The following KRIT1 variants were observed in gnomAD, a reference collection of about 807,000 sequenced individuals.
The protein encoded by KRIT1 is krev interaction trapped protein 1.
In KRIT1, 45 loss-of-function variants were observed where a neutral mutation model predicts 95.8. The ratio of observed to expected loss-of-function variants is 0.47; its 90% CI spans 0.37 to 0.60. The LOEUF is 0.60. KRIT1 is among the 20% of genes least tolerant of loss of function. KRIT1 has a pLI of 0.00. For missense variants in KRIT1, 788 were observed against 877.5 expected (o/e 0.90, Z 1.29); for synonymous variants, 282 against 278.8 (o/e 1.01, Z -0.11).
chr7:92,213,907 T>C lies in KRIT1; in HGVS notation c.1803A>G (p.Ile601Met), dbSNP rs752077150. ...KSKAPHWTNR[I>M]LHEYKNLSTS... ...AACAGCTTACCTTGTATTCATGAAGTATGCGATTTGTCCAGTGAGGTGCCT... is the reference window on the plus strand; with the variant it reads ...AACAGCTTACCTTGTATTCATGAAGCATGCGATTTGTCCAGTGAGGTGCCT... Residue 601 changes from isoleucine to methionine, a missense_variant, in exon 16 of 19, where the codon ATA becomes ATG. Ile to Met is a conservative substitution (Grantham distance 10, BLOSUM62 1). This residue lies in a region of KRIT1 where 493 missense variants were observed against 582.3 expected (regional missense o/e 0.85). Coordinates refer to ENST00000394505, the MANE Select transcript of KRIT1 (RefSeq NM_194454.3). The C allele has an allele frequency of 1.9e-6, 3 of 1,598,054 alleles. No individual in the cohort carries two copies. The highest frequency in any genetic ancestry group is 2.2e-5 in the South Asian group (2 of 90,774).
In KRIT1 at chr7:92,242,014, T is replaced by C. The variant is rs1183801499; in HGVS notation, c.102+20A>G. On this transcript the variant is annotated intron_variant, in intron 4 of 18. Coordinates refer to ENST00000394505, the MANE Select transcript of KRIT1 (RefSeq NM_194454.3). ...AATGACATTCAATGGTAGAAATAAATTATTATTAAATGTTCTTACTTCATA... is the reference window on the plus strand; with the variant it reads ...AATGACATTCAATGGTAGAAATAAACTATTATTAAATGTTCTTACTTCATA... The C allele has an allele frequency of 8.6e-7, 1 of 1,160,700 alleles. No individual in the cohort carries two copies. Among genetic ancestry groups the C allele is most frequent in the South Asian group, 1.2e-5 (1 of 81,062 alleles). The allele number at this position is 1,160,700 out of a possible 1,614,324, so 71.9% of individuals were successfully genotyped here.
chr7:92,228,993 C>T (rs2131563620), intron 10 of KRIT1, among the ~76,000 whole-genome samples: 1 of 152,210 alleles, frequency 6.6e-6, no homozygotes, highest in East Asian at 1.9e-4. Flanking sequence ...TTATCATGGA[C>T]CTTTAGATTG....
chr7:92,207,458 C>A (rs1201685003), intron 17 of KRIT1, among the ~76,000 whole-genome samples: 1 of 151,994 alleles, frequency 6.6e-6, no homozygotes, highest in Non-Finnish European at 1.5e-5. Context: ...GAATGACAGA[C>A]TCCAATACAA....
At chr7:92,241,973 G>A (rs1395110802) in intron 4 of KRIT1, 61 bp downstream of exon 4, 8 of 913,244 alleles carry the variant, frequency 8.8e-6, no homozygotes, top group South Asian at 6.7e-5. Flanking sequence ...GGCTTTATAT[G>A]TGAATGATAA....
chr7:92,216,360 T>TA lies in KRIT1; in HGVS notation c.1564-1584dup, dbSNP rs56911336. Among the ~76,000 whole-genome samples, 199 of 149,090 alleles carry TA rather than the reference T, an allele frequency of 1.3e-3. 2 individuals are homozygous for TA. The East Asian group carries it at 0.026, about 20-fold the overall frequency. On this transcript the variant is annotated intron_variant, in intron 14 of 18. Coordinates refer to ENST00000394505, the MANE Select transcript of KRIT1 (RefSeq NM_194454.3). Reference sequence around the variant, plus strand: ...ATTAAAATACTCTATTATTAAATATTAAAAAAAAAATTTCATGGGGAAAAA... The same window carrying TA: ...ATTAAAATACTCTATTATTAAATATTAAAAAAAAAAATTTCATGGGGAAAAA...
chr7:92,202,076 A>T (rs540517361), intron 17 of KRIT1, among the ~76,000 whole-genome samples: 3 of 152,324 alleles, frequency 2.0e-5, no homozygotes, highest in Non-Finnish European at 4.4e-5. Context: ...TTTCTTTTGA[A>T]TATTTACATA....
chr7:92,231,540 G>A (rs963820392), intron 10 of KRIT1, among the ~76,000 whole-genome samples: 7 of 152,076 alleles, frequency 4.6e-5, no homozygotes, highest in African/African-American at 1.4e-4. Flanking sequence ...GACCAAGTGA[G>A]GTAAAATATC....
intron 14 of KRIT1, among the ~76,000 whole-genome samples, chr7:92,218,764 T>C (rs897939599): frequency 6.6e-6 from 1 of 152,176 alleles, no homozygotes; most frequent in Admixed American, 6.5e-5. Flanking sequence ...ATCTATGATT[T>C]GCTAATATTT....
chr7:92,231,200 A>T (rs10249031), intron 10 of KRIT1, among the ~76,000 whole-genome samples: 126,304 of 152,132 alleles, frequency 0.83, 52,950 homozygotes, highest in African/African-American at 0.94. Context: ...GTTCTCTACA[A>T]GGGGTTAAAG....
At chr7:92,242,892 C>T (rs1800003266) in intron 3 of KRIT1, among the ~76,000 whole-genome samples, 1 of 152,178 alleles carries the variant, frequency 6.6e-6, no homozygotes, top group Non-Finnish European at 1.5e-5. Context: ...CGCCTCAATG[C>T]AACCCTCGCC....
intron 14 of KRIT1, among the ~76,000 whole-genome samples, chr7:92,220,264 T>C (rs1210152692): frequency 6.6e-6 from 1 of 152,214 alleles, no homozygotes; most frequent in Non-Finnish European, 1.5e-5. Flanking sequence ...CAAATGCCTT[T>C]CTGCATCAAT....
In KRIT1 at chr7:92,201,388, C is replaced by G. The variant is rs756398171; in HGVS notation, c.2061G>C (p.Met687Ile). The G allele has an allele frequency of 1.9e-6, 3 of 1,594,366 alleles. No homozygotes were observed. In the Admixed American group the frequency reaches 5.0e-5, roughly 27 times the overall value. Residue 687 changes from methionine to isoleucine, a missense_variant, in exon 18 of 19, where the codon ATG becomes ATC. By Grantham distance (10) the Met-to-Ile change is conservative. Coordinates refer to ENST00000394505, the MANE Select transcript of KRIT1 (RefSeq NM_194454.3). ...AAGTATCAGTATCTCCCAATTGCCACATAAAACAACCATACTTAAGACTGA... is the reference window on the plus strand; with the variant it reads ...AAGTATCAGTATCTCCCAATTGCCAGATAAAACAACCATACTTAAGACTGA... Reference protein sequence around the residue: ...LLISLKYGCFMWQLGDTDTCF... With the variant: ...LLISLKYGCFIWQLGDTDTCF...
chr7:92,229,447 C>T (rs1323655140), intron 10 of KRIT1, among the ~76,000 whole-genome samples: 1 of 151,938 alleles, frequency 6.6e-6, no homozygotes, highest in African/African-American at 2.4e-5. Flanking sequence ...AACAAATTTA[C>T]AAGAAAAAAC....
chr7:92,205,746 CAA>C (rs1456301823), intron 17 of KRIT1: 2 of 152,176 alleles, frequency 1.3e-5, no homozygotes, highest in East Asian at 3.9e-4. Flanking sequence ...AAAAACAAAA[CAA>C]AATGAAACAA....
intron 3 of KRIT1, among the ~76,000 whole-genome samples, chr7:92,243,267 T>G (rs952334919): frequency 6.6e-6 from 1 of 152,242 alleles, no homozygotes; most frequent in Admixed American, 6.5e-5. Context: ...AGTTGTATAA[T>G]AGTTTTCTTC....
Position 92,235,471 on chromosome 7 carries a change from C to T in KRIT1, c.661G>A (p.Ala221Thr). 6.2e-7 allele frequency: 1 copy of T among 1,613,456 alleles called. No individual in the cohort carries two copies. Among genetic ancestry groups the T allele is most frequent in the Non-Finnish European group, 8.5e-7 (1 of 1,179,444 alleles). ...SALEIKSKMLALEKADTCIYN... is the reference protein window; with the variant it reads ...SALEIKSKMLTLEKADTCIYN... Reference sequence around the variant, plus strand: ...ATACAGGTATCTGCTTTCTCTAGGGCTAACATTTTACTCTTTATTTCTAGT... The same window carrying T: ...ATACAGGTATCTGCTTTCTCTAGGGTTAACATTTTACTCTTTATTTCTAGT... Residue 221 changes from alanine to threonine, a missense_variant, in exon 8 of 19, where the codon GCC becomes ACC. Coordinates refer to ENST00000394505, the MANE Select transcript of KRIT1 (RefSeq NM_194454.3).
chr7:92,240,966 G>A, intron 5 of KRIT1, 27 bp downstream of exon 5: 1 of 1,530,188 alleles, frequency 6.5e-7, no homozygotes, highest in Admixed American at 1.7e-5. Context: ...TTTAAACAAT[G>A]TGTTTTTTAA....
chr7:92,226,382 AT>A, intron 11 of KRIT1, 143 bp downstream of exon 11: 1 of 694,648 alleles, frequency 1.4e-6, no homozygotes, highest in Non-Finnish European at 2.5e-6. Context: ...TACAACTCAT[AT>A]ATTCCGTTAC....
chr7:92,241,565 T>G (rs1799650760), intron 4 of KRIT1, among the ~76,000 whole-genome samples: 1 of 152,234 alleles, frequency 6.6e-6, no homozygotes. Context: ...TGTATATGTA[T>G]GTACATATAG....
Sources: allele counts gnomAD v4.1 joint callset (sites outside exome capture counted in the v4.1 genomes callset), GRCh38; gene constraint gnomAD v4.1.1; regional missense constraint gnomAD v4.1.1; transcripts MANE v1.5; gene names NCBI Gene and HGNC (gene_info 2026-07-23, HGNC 2026-07-21).